Variants in ITGBL1 observed in about 807,000 individuals in gnomAD.
ITGBL1 encodes the protein integrin beta-like protein 1.
ITGBL1 carries 51 observed loss-of-function variants against 68.5 expected under a neutral mutation model. That is an observed-to-expected ratio of 0.74 (90% CI 0.59 to 0.94). ITGBL1 has a LOEUF of 0.94. Ranked by LOEUF, ITGBL1 falls within the 40% of genes least tolerant of loss-of-function variation. The pLI is 0.00. For synonymous variants in ITGBL1, 209 were observed against 227.3 expected (o/e 0.92, Z 0.72); for missense variants, 649 against 647.4 (o/e 1.00, Z -0.03).
At chr13:101,706,429 T>G (rs1169965337) in intron 8 of ITGBL1, among the ~76,000 whole-genome samples, 1 of 152,160 alleles carries the variant, frequency 6.6e-6, no homozygotes, top group Non-Finnish European at 1.5e-5. Context: ...GTGTGTGCAA[T>G]GAAGAATAGC....
chr13:101,526,175 C>G (rs1357155524), intron 2 of ITGBL1, among the ~76,000 whole-genome samples: 6 of 114,466 alleles, frequency 5.2e-5, no homozygotes, highest in Admixed American at 4.5e-4. Context: ...TTTTTAAATA[C>G]TTTAAGTTCT....
intron 9 of ITGBL1, among the ~76,000 whole-genome samples, chr13:101,707,574 C>T (rs1297798781): frequency 6.6e-6 from 1 of 151,896 alleles, no homozygotes; most frequent in Non-Finnish European, 1.5e-5. Flanking sequence ...GCACCGTGGC[C>T]CATGCCTGTA....
chr13:101,458,769 TGTTA>T (rs1226790305), intron 2 of ITGBL1, among the ~76,000 whole-genome samples: 9 of 152,234 alleles, frequency 5.9e-5, no homozygotes, highest in Non-Finnish European at 1.0e-4. Flanking sequence ...TTATACTGTA[TGTTA>T]GTTGTATTAT....
Position 101,611,440 on chromosome 13 carries a change from G to A in ITGBL1, c.1015+13141G>A, listed in dbSNP as rs370233046. 7.9e-5 allele frequency among the ~76,000 whole-genome samples: 12 copies of A among 152,248 alleles called. 1 individual carries two copies. Among genetic ancestry groups the A allele is most frequent in the Admixed American group, 3.9e-4 (6 of 15,280 alleles). ...GCACAAATCCAAAATTGTTTTATTC[G>A]AAGGCATTTATATCAGCAAAGTATT... On this transcript the variant is annotated intron_variant, in intron 7 of 10. Coordinates refer to ENST00000376180, the MANE Select transcript of ITGBL1 (RefSeq NM_004791.3).
chr13:101,580,330 A>G (rs972156274), intron 5 of ITGBL1, among the ~76,000 whole-genome samples: 6 of 152,206 alleles, frequency 3.9e-5, no homozygotes, highest in Admixed American at 2.6e-4. Context: ...ATTTCTTTAC[A>G]TAGAGAAAAT....
In ITGBL1 at chr13:101,598,390, T is replaced by C. The variant is rs888686173; in HGVS notation, c.1015+91T>C. 4 of 1,111,048 alleles carry C rather than the reference T, an allele frequency of 3.6e-6. No homozygotes were observed. In the South Asian group the frequency reaches 9.8e-5, roughly 27 times the overall value. The allele number at this position is 1,111,048 out of a possible 1,614,324, so 68.8% of individuals were successfully genotyped here. A position where few individuals can be genotyped will look rare whatever the true frequency, so the allele number is the denominator to read the frequency against. On this transcript the variant is annotated intron_variant, in intron 7 of 10. Transcript: ENST00000376180. Reference sequence around the variant, plus strand: ...CACATCTTTTTGTTTGTTTGTTTGTTTTTTGTTTTCTGCTTTTTGGTTTTT... The same window carrying C: ...CACATCTTTTTGTTTGTTTGTTTGTCTTTTGTTTTCTGCTTTTTGGTTTTT...
At chr13:101,463,515 C>T (rs1200127621) in intron 2 of ITGBL1, among the ~76,000 whole-genome samples, 1 of 152,144 alleles carries the variant, frequency 6.6e-6, no homozygotes, top group African/African-American at 2.4e-5. Flanking sequence ...TGCTCCAGAA[C>T]CCTACCCTCA....
At chr13:101,560,092 T>C (rs973940102) in intron 2 of ITGBL1, among the ~76,000 whole-genome samples, 1 of 152,230 alleles carries the variant, frequency 6.6e-6, no homozygotes, top group African/African-American at 2.4e-5. Context: ...TGGTGAAGTT[T>C]CTATCTCAAA....
At chr13:101,519,011 A>C (rs973203727) in intron 2 of ITGBL1, among the ~76,000 whole-genome samples, 4 of 152,214 alleles carry the variant, frequency 2.6e-5, no homozygotes, top group African/African-American at 9.6e-5. Flanking sequence ...TGTTGTAAAG[A>C]CAGATACATG....
intron 7 of ITGBL1, among the ~76,000 whole-genome samples, chr13:101,637,542 A>G (rs1377433907): frequency 6.6e-6 from 1 of 152,000 alleles, no homozygotes; most frequent in Admixed American, 6.6e-5. Flanking sequence ...ATGGGGTTTC[A>G]TTGTGTTAGT....
chr13:101,709,221 C>T (rs1006285021), intron 9 of ITGBL1, among the ~76,000 whole-genome samples: 15 of 150,246 alleles, frequency 1.0e-4, no homozygotes, highest in African/African-American at 3.2e-4. Flanking sequence ...AAAAATTAGC[C>T]GGGCGCGGTG....
intron 5 of ITGBL1, among the ~76,000 whole-genome samples, chr13:101,581,008 G>A (rs1166150055): frequency 6.9e-6 from 1 of 145,562 alleles, no homozygotes; most frequent in African/African-American, 2.5e-5. Flanking sequence ...GCTGAGATGA[G>A]TCATTTTTTT....
At chr13:101,690,176 A>G (rs1349312837) in intron 7 of ITGBL1, among the ~76,000 whole-genome samples, 2 of 152,226 alleles carry the variant, frequency 1.3e-5, no homozygotes, top group African/African-American at 4.8e-5. Context: ...GTTATTTATC[A>G]GGAAAGAAAA....
chr13:101,676,302 C>G (rs2033501604), intron 7 of ITGBL1, among the ~76,000 whole-genome samples: 1 of 151,758 alleles, frequency 6.6e-6, no homozygotes, highest in Non-Finnish European at 1.5e-5. Flanking sequence ...CCTTGAGGGA[C>G]AGTTTACTTT....
chr13:101,599,219 C>G (rs1216310800), intron 7 of ITGBL1, among the ~76,000 whole-genome samples: 1 of 151,792 alleles, frequency 6.6e-6, no homozygotes, highest in Admixed American at 6.6e-5. Context: ...TGTCTTTTGG[C>G]TGCATAAATG....
intron 2 of ITGBL1, among the ~76,000 whole-genome samples, chr13:101,511,918 C>A (rs537709017): frequency 4.6e-5 from 7 of 152,216 alleles, no homozygotes; most frequent in Admixed American, 2.6e-4. Context: ...AAAATGAAAA[C>A]CAGAAGTCTC....
At chr13:101,615,410 C>T (rs908801321) in intron 7 of ITGBL1, among the ~76,000 whole-genome samples, 8 of 152,092 alleles carry the variant, frequency 5.3e-5, no homozygotes, top group Admixed American at 1.3e-4. Flanking sequence ...AAATCAAGCC[C>T]GCTTCTACCA....
intron 3 of ITGBL1, among the ~76,000 whole-genome samples, chr13:101,568,600 G>A (rs1314822736): frequency 6.6e-6 from 1 of 152,076 alleles, no homozygotes; most frequent in Non-Finnish European, 1.5e-5. Flanking sequence ...AAGTGCTTTG[G>A]TGTGTGGCCT....
chr13:101,618,564 A>G (rs942444488), intron 7 of ITGBL1, among the ~76,000 whole-genome samples: 3 of 152,142 alleles, frequency 2.0e-5, no homozygotes, highest in Non-Finnish European at 2.9e-5. Context: ...GGTACAGATG[A>G]CCTTTGGGAA....
Sources: gnomAD v4.1 joint callset for allele counts (sites outside exome capture counted in the v4.1 genomes callset) on GRCh38, gnomAD v4.1.1 for gene constraint, MANE v1.5 for transcripts, NCBI Gene and HGNC (gene_info 2026-07-23, HGNC 2026-07-21) for gene names.